Variants in DOCK8 observed in about 807,000 individuals in gnomAD.
DOCK8 encodes the protein dedicator of cytokinesis 8.
Under a neutral mutation model 245.6 loss-of-function variants are expected in DOCK8, and 141 were observed. The observed-to-expected ratio is 0.57, with a 90% CI of 0.50 to 0.66. The LOEUF is 0.66. DOCK8 is among the 30% of genes least tolerant of loss of function. The pLI is 0.00. For missense variants in DOCK8, 2,965 were observed against 2,603.4 expected (o/e 1.14, Z -3.02); for synonymous variants, 1,168 against 970.2 (o/e 1.20, Z -3.79).
rs567797868 is a variant in DOCK8, at chr9:328,125, T to G, written c.998T>G (p.Val333Gly). 1 of 1,614,184 alleles carries G rather than the reference T, an allele frequency of 6.2e-7. No individual in the cohort carries two copies. Among genetic ancestry groups the G allele is most frequent in the African/African-American group, 1.3e-5 (1 of 75,062 alleles). ...GCATCAAGTCAGGCGAGATCTGCAG[T>G]CTTCTCAGTCACCTACCCGTCCTCA... ...VAASSQARSA[V>G]FSVTYPSSDI... Residue 333 changes from valine to glycine, a missense_variant, in exon 9 of 48, where the codon GTC (valine) becomes GGC (glycine). By Grantham distance (109) the Val-to-Gly change is moderately radical (BLOSUM62 -3). Around this residue, in one of 3 missense-constraint regions of DOCK8, gnomAD observed 2,825 missense variants for 2,453.5 expected, o/e 1.15. Coordinates refer to ENST00000432829, the MANE Select transcript of DOCK8 (RefSeq NM_203447.4).
At chr9:389,880 C>G (rs989771727) in intron 23 of DOCK8, among the ~76,000 whole-genome samples, 3 of 152,050 alleles carry the variant, frequency 2.0e-5, no homozygotes, top group Non-Finnish European at 4.4e-5. Context: ...AAAAAACTAG[C>G]TGGGCTTGGT....
In DOCK8 at chr9:273,142, A is replaced by G. The variant is rs530754623; in HGVS notation, c.156+1413A>G. On this transcript the variant is annotated intron_variant, in intron 2 of 47. Transcript: ENST00000432829. Reference sequence around the variant, plus strand: ...TGATTTCTGGTTATTTCAGAAGGATAATTTGTGTGTTGCGTCATTAATGAA... The same window carrying G: ...TGATTTCTGGTTATTTCAGAAGGATGATTTGTGTGTTGCGTCATTAATGAA... 3.1e-5 allele frequency: 28 copies of G among 899,112 alleles called. 1 individual carries two copies. In the South Asian group the frequency reaches 1.2e-3, roughly 38 times the overall value. 55.7% of individuals were successfully genotyped at this position (899,112 alleles called of 1,614,324 possible). A position where few individuals can be genotyped will look rare whatever the true frequency, so the allele number is the denominator to read the frequency against.
At chr9:460,092 C>G (rs1021328497) in intron 46 of DOCK8, 1 of 152,194 alleles carries the variant, frequency 6.6e-6, no homozygotes. Context: ...ATCATAGCTT[C>G]TGATTTAATT....
At chr9:361,698 C>A (rs1586800250) in intron 14 of DOCK8, among the ~76,000 whole-genome samples, 1 of 152,100 alleles carries the variant, frequency 6.6e-6, no homozygotes. Flanking sequence ...AATATTTTTT[C>A]TTTGTTTCCT....
chr9:336,186 A>C (rs4741814), intron 11 of DOCK8, among the ~76,000 whole-genome samples: 1 of 152,026 alleles, frequency 6.6e-6, no homozygotes, highest in African/African-American at 2.4e-5. Context: ...AAATGCCTTC[A>C]GGGGCATTTG....
intron 3 of DOCK8, among the ~76,000 whole-genome samples, chr9:287,791 C>G (rs911389886): frequency 2.0e-5 from 3 of 152,172 alleles, no homozygotes; most frequent in African/African-American, 7.2e-5. Flanking sequence ...ACTATTTCAT[C>G]TTTAGTGAAG....
intron 1 of DOCK8, among the ~76,000 whole-genome samples, chr9:257,604 C>T (rs959538363): frequency 1.1e-4 from 17 of 152,224 alleles, no homozygotes; most frequent in South Asian, 4.1e-4. Flanking sequence ...ACTGCACCCT[C>T]AGCCTTCCAG....
rs2055002194 is a variant in DOCK8 at position 400,917 on chromosome 9, TCACCATCACCACAACATCCACCA to T, written c.3234+1660_3234+1682del. On this transcript the variant is annotated intron_variant, in intron 26 of 47. Transcript: ENST00000432829. ...ACCTCCCCCACTACCAACAGCTCCT[TCACCATCACCACAACATCCACCA>T]CCACCATCACCACCACCACCACCAC... 8.0e-5 allele frequency among the ~76,000 whole-genome samples: 4 copies of T among 49,718 alleles called. No homozygotes were observed. The South Asian group carries it at 2.9e-3, about 36-fold the overall frequency. 32.6% of individuals were successfully genotyped at this position (49,718 alleles called of 152,430 possible).
At chr9:278,206 A>G (rs2048434645) in intron 2 of DOCK8, among the ~76,000 whole-genome samples, 1 of 152,240 alleles carries the variant, frequency 6.6e-6, no homozygotes. Flanking sequence ...CCTTGGTGAA[A>G]CTAGAGTGAT....
chr9:408,137 G>A (rs926744173), intron 28 of DOCK8, among the ~76,000 whole-genome samples: 4 of 152,206 alleles, frequency 2.6e-5, no homozygotes, highest in Non-Finnish European at 5.9e-5. Context: ...TAGCATTGCT[G>A]TATGTTATGG....
upstream of DOCK8, among the ~76,000 whole-genome samples, chr9:212,454 C>G (rs942516632): frequency 6.6e-6 from 1 of 152,188 alleles, no homozygotes; most frequent in Non-Finnish European, 1.5e-5. Context: ...TCCCAGAGTT[C>G]TCTCTGGACA....
At chr9:338,714 G>T (rs150698148) in intron 12 of DOCK8, among the ~76,000 whole-genome samples, 2 of 152,020 alleles carry the variant, frequency 1.3e-5, no homozygotes, top group South Asian at 2.1e-4. Context: ...GAGAGTTATC[G>T]GGGGGAAGCT....
intron 4 of DOCK8, among the ~76,000 whole-genome samples, chr9:297,334 C>T (rs56186632): frequency 6.6e-6 from 1 of 152,180 alleles, no homozygotes; most frequent in African/African-American, 2.4e-5. Context: ...CCTTCTGACT[C>T]TAGAGCCTGG....
rs1427947897 is a variant in DOCK8 at position 304,696 on chromosome 9, G to A, written c.520G>A (p.Ala174Thr). ...GGAAACCTTGGAGTGCAGTGAACCC[G>A]CTGCTCAGGTATTTCCTGTCAACAA... ...ESETLECSEP[A>T]AQAGPRHLNV... is the part of the protein sequence containing the mutation. The change falls in exon 5 of 48, where the codon GCT becomes ACT. Residue 174 changes from alanine (A) to threonine (T), a missense_variant. Physicochemically the swap from Ala to Thr is moderately conservative, Grantham distance 58 (BLOSUM62 0). Transcript: ENST00000432829. 6.2e-6 allele frequency: 10 copies of A among 1,614,104 alleles called. No homozygotes were observed. The highest frequency in any genetic ancestry group is 6.8e-6 in the Non-Finnish European group (8 of 1,179,992).
intron 14 of DOCK8, among the ~76,000 whole-genome samples, chr9:353,704 A>G (rs559861963): frequency 6.6e-6 from 1 of 152,222 alleles, no homozygotes; most frequent in Non-Finnish European, 1.5e-5. Flanking sequence ...AGCATAGTCC[A>G]GATTTGGACT....
At chr9:212,208 T>C (rs565112931), upstream of DOCK8, among the ~76,000 whole-genome samples, 1 of 152,326 alleles carries the variant, frequency 6.6e-6, no homozygotes, top group East Asian at 1.9e-4. Flanking sequence ...ATAAGTGTTA[T>C]TTAGTTGTTT....
intron 4 of DOCK8, among the ~76,000 whole-genome samples, chr9:298,650 T>C (rs1267743958): frequency 6.7e-6 from 1 of 149,250 alleles, no homozygotes; most frequent in African/African-American, 2.5e-5. Context: ...TGTGTGTGTG[T>C]GTGTCAGAGA....
At chr9:414,634 CTG>C (rs1179034691) in intron 28 of DOCK8, 146 bp from the exon 29 acceptor site, 1 of 910,740 alleles carries the variant, frequency 1.1e-6, no homozygotes, top group Admixed American at 1.9e-5. Flanking sequence ...CAGTCTGTTT[CTG>C]GATTCTATGT....
At chr9:401,722 A>G (rs900380929) in intron 26 of DOCK8, among the ~76,000 whole-genome samples, 1 of 152,128 alleles carries the variant, frequency 6.6e-6, no homozygotes, top group Non-Finnish European at 1.5e-5. Flanking sequence ...CACAGAAACA[A>G]TCTTTGACTT....
Sources: gnomAD v4.1 joint callset for allele counts (sites outside exome capture counted in the v4.1 genomes callset) on GRCh38, gnomAD v4.1.1 for gene constraint, gnomAD v4.1.1 regional missense constraint, MANE v1.5 for transcripts, NCBI Gene and HGNC (gene_info 2026-07-23, HGNC 2026-07-21) for gene names.